The following POFUT1 variants were observed in gnomAD, a reference collection of about 807,000 sequenced individuals.
POFUT1 encodes the protein GDP-fucose protein O-fucosyltransferase 1.
In POFUT1, 16 loss-of-function variants were observed where a neutral mutation model predicts 42.4. The ratio of observed to expected loss-of-function variants is 0.38; its 90% CI spans 0.26 to 0.57. POFUT1 has a LOEUF of 0.57. Among genes scored for constraint, POFUT1 ranks in the 20% least tolerant of loss-of-function variants. POFUT1 has a pLI of 0.71. For synonymous variants in POFUT1, 206 were observed against 205.4 expected, an observed-to-expected ratio of 1.00 and a Z score of -0.03; for missense variants, 470 against 504.6, an observed-to-expected ratio of 0.93 and a Z score of 0.66.
At chr20:32,217,078 T>G in intron 4 of POFUT1, 1 of 1,613,174 alleles carries the variant, frequency 6.2e-7, no homozygotes, top group Middle Eastern at 1.7e-4. Context: ...AGAGAACAGC[T>G]TCAGGTGCAG....
intron 3 of POFUT1, 57 bp downstream of exon 3, chr20:32,215,508 A>G: frequency 7.0e-7 from 1 of 1,429,848 alleles, no homozygotes; most frequent in Non-Finnish European, 9.6e-7. Context: ...CTAGGCCCCC[A>G]AGACTATGTC....
rs1166957922 is a variant in POFUT1, at chr20:32,230,915, C to G, written c.832C>G (p.Leu278Val). 19 of 1,614,224 alleles carry G rather than the reference C, an allele frequency of 1.2e-5. No homozygotes were observed. Among genetic ancestry groups the G allele is most frequent in the Non-Finnish European group, 1.6e-5 (19 of 1,180,038 alleles). Reference sequence around the variant, plus strand: ...CTACAGCCGCAGCACAGCGGCCCCCCTCACGATGACTATGTGCCTGCCTGA... The same window carrying G: ...CTACAGCCGCAGCACAGCGGCCCCCGTCACGATGACTATGTGCCTGCCTGA... The part of the protein sequence containing the change: ...VGYSRSTAAP[L>V]TMTMCLPDLK... The change falls in exon 6 of 7, where the codon CTC (leucine) becomes GTC (valine). Residue 278 changes from leucine (L) to valine (V), a missense_variant. Coordinates refer to ENST00000375749, the MANE Select transcript of POFUT1 (RefSeq NM_015352.2).
rs79984831 is a variant in POFUT1, at chr20:32,230,834, A to G, written c.751A>G (p.Met251Val). 9.6e-4 allele frequency: 1,545 copies of G among 1,613,808 alleles called. 29 individuals carry two copies. In the East Asian group the frequency reaches 0.029, roughly 31 times the overall value. Residue 251 changes from methionine to valine, a missense_variant, in exon 6 of 7, where the codon ATG becomes GTG. Coordinates refer to ENST00000375749, the MANE Select transcript of POFUT1 (RefSeq NM_015352.2). ...CTCTCCGTAGAAGAACGCCTGTGCC[A>G]TGCTGAAGGACGGGACTGCAGGCTC... Reference protein sequence around the residue: ...IGSDWKNACAMLKDGTAGSHF... With the variant: ...IGSDWKNACAVLKDGTAGSHF...
In POFUT1 at chr20:32,222,815, C is replaced by T. The variant is rs1053483440; in HGVS notation, c.543-5448C>T. Reference sequence around the variant, plus strand: ...TGACTATTGGAAGGCAATGCACCATCGTGCCAAACCATTCTCAGGTATAAT... The same window carrying T: ...TGACTATTGGAAGGCAATGCACCATTGTGCCAAACCATTCTCAGGTATAAT... On this transcript the variant is annotated intron_variant, in intron 4 of 6. Transcript: ENST00000375749. The T allele has an allele frequency of 1.8e-5, 18 of 985,308 alleles. No homozygotes were observed. The South Asian group carries it at 3.3e-4, about 18-fold the overall frequency. 61.0% of individuals were successfully genotyped at this position (985,308 alleles called of 1,614,324 possible).
At chr20:32,215,859 A>C (rs532413419) in intron 3 of POFUT1, among the ~76,000 whole-genome samples, 2 of 152,238 alleles carry the variant, frequency 1.3e-5, no homozygotes, top group Non-Finnish European at 2.9e-5. Context: ...CATGAGGAAA[A>C]TACTTATAAT....
chr20:32,218,276 G>C (rs897399841), intron 4 of POFUT1, among the ~76,000 whole-genome samples: 25 of 152,174 alleles, frequency 1.6e-4, no homozygotes, highest in African/African-American at 5.3e-4. Flanking sequence ...AGCTGGGAGT[G>C]CAGGCATGTG....
intron 6 of POFUT1, among the ~76,000 whole-genome samples, chr20:32,232,349 A>G (rs1393749605): frequency 6.6e-6 from 1 of 152,144 alleles, no homozygotes; most frequent in African/African-American, 2.4e-5. Context: ...GAAGAAAAAT[A>G]TAATTAAGAG....
At chr20:32,230,504 G>A (rs1164615887) in intron 5 of POFUT1, among the ~76,000 whole-genome samples, 2 of 151,902 alleles carry the variant, frequency 1.3e-5, no homozygotes, top group Non-Finnish European at 2.9e-5. Flanking sequence ...AGACCAGCCT[G>A]GCCAACATGG....
chr20:32,222,456 T>C (rs1425767427), intron 4 of POFUT1, among the ~76,000 whole-genome samples: 2 of 152,190 alleles, frequency 1.3e-5, no homozygotes, highest in Non-Finnish European at 2.9e-5. Context: ...GTCCTCCCTT[T>C]TTAAGAAGCC....
At position 32,208,000 on chromosome 20, in the gene POFUT1, C is replaced by A; in HGVS notation, c.59C>A (p.Pro20Gln). Reference protein sequence around the residue: ...LSVSFLLLLLPLPGMPAGSWD... With the variant: ...LSVSFLLLLLQLPGMPAGSWD... ...GTGTCTTTCCTGCTGCTGCTTCTGCCGCTCCCGGGGATGCCTGCGGGCTCC... is the reference window on the plus strand; with the variant it reads ...GTGTCTTTCCTGCTGCTGCTTCTGCAGCTCCCGGGGATGCCTGCGGGCTCC... The change falls in exon 1 of 7, where the codon CCG (proline) becomes CAG (glutamine). Residue 20 changes from proline to glutamine, a missense_variant. Coordinates refer to ENST00000375749, the MANE Select transcript of POFUT1 (RefSeq NM_015352.2). The A allele has an allele frequency of 6.3e-7, 1 of 1,592,668 alleles. No individual in the cohort carries two copies. The highest frequency in any genetic ancestry group is 2.3e-5 in the East Asian group (1 of 44,062).
At chr20:32,230,367 A>G in intron 5 of POFUT1, among the ~76,000 whole-genome samples, 1 of 144,266 alleles carries the variant, frequency 6.9e-6, no homozygotes, top group Non-Finnish European at 1.5e-5. Flanking sequence ...AGCCTGGGCG[A>G]CAGAGCAAGA....
rs369818845 is a variant in POFUT1, at chr20:32,215,419, C to T, written c.397C>T (p.Arg133Ter). 1.9e-6 allele frequency: 3 copies of T among 1,613,496 alleles called. No individual in the cohort carries two copies. Among genetic ancestry groups the T allele is most frequent in the South Asian group, 1.1e-5 (1 of 91,054 alleles). The part of the protein sequence containing the change: ...VAYCFEVAAQ[R>*]SPDKKTCPMK... Reference sequence around the variant, plus strand: ...ATACTGCTTTGAGGTGGCAGCCCAGCGAAGCCCAGATAAGAAGACGTGCCC... The same window carrying T: ...ATACTGCTTTGAGGTGGCAGCCCAGTGAAGCCCAGATAAGAAGACGTGCCC... Residue 133 changes from arginine (R) to a stop codon, truncating the protein, a stop_gained, in exon 3 of 7, where the codon CGA (arginine) becomes TGA (stop). Coordinates refer to ENST00000375749, the MANE Select transcript of POFUT1 (RefSeq NM_015352.2). LOFTEE classifies it high-confidence loss of function.
At position 32,215,271 on chromosome 20, in the gene POFUT1, C is replaced by G; in HGVS notation, c.249C>G (p.Leu83=). 6.2e-7 allele frequency: 1 copy of G among 1,608,382 alleles called. No homozygotes were observed. The change falls in exon 3 of 7, where the codon CTC becomes CTG. Residue 83 remains leucine (L), a splice_region_variant and synonymous_variant. Transcript: ENST00000375749. ...YQHHKPPFTN[L]HVSYQKYFKL... Reference sequence around the variant, plus strand: ...CTCTGCTCCTCCTTTTCCTGTAGCTCCATGTGTCCTACCAGAAGTACTTCA... The same window carrying G: ...CTCTGCTCCTCCTTTTCCTGTAGCTGCATGTGTCCTACCAGAAGTACTTCA...
Position 32,230,992 on chromosome 20 carries a change from C to G in POFUT1, c.909C>G (p.Ala303=). Residue 303 remains alanine (A), a synonymous_variant, in exon 6 of 7, where the codon GCC becomes GCG. Transcript: ENST00000375749. ...AVKLWVRSLD[A]QSVYVATDSE... is the part of the protein sequence containing the mutation. ...AGCTCTGGGTGAGGTCGCTGGATGC[C>G]CAGTCGGTCTACGTTGCTACTGATT... 1.2e-6 allele frequency: 2 copies of G among 1,614,166 alleles called. No homozygotes were observed. Among genetic ancestry groups the G allele is most frequent in the Non-Finnish European group, 1.7e-6 (2 of 1,180,024 alleles).
At chr20:32,214,533 C>G (rs898483617) in intron 2 of POFUT1, among the ~76,000 whole-genome samples, 1 of 152,150 alleles carries the variant, frequency 6.6e-6, no homozygotes, top group Non-Finnish European at 1.5e-5. Context: ...CGCATTTCCC[C>G]ACAAGTTAAG....
At chr20:32,215,542 C>T in intron 3 of POFUT1, 91 bp downstream of exon 3, 1 of 1,091,322 alleles carries the variant, frequency 9.2e-7, no homozygotes, top group South Asian at 1.6e-5. Flanking sequence ...GGGAAAAGCA[C>T]CAGAAGGACT....
At chr20:32,211,279 A>G (rs1290151210) in intron 2 of POFUT1, among the ~76,000 whole-genome samples, 2 of 147,070 alleles carry the variant, frequency 1.4e-5, no homozygotes, top group Non-Finnish European at 3.0e-5. Context: ...CGCACTCACT[A>G]TTTTTTTTTT....
rs7274665 is a variant in POFUT1 at position 32,228,653 on chromosome 20, T to C, written c.735+198T>C. Among the ~76,000 whole-genome samples, 8,057 of 152,302 alleles carry C rather than the reference T, an allele frequency of 0.053. 776 individuals carry two copies. Among genetic ancestry groups the C allele is most frequent in the African/African-American group, 0.18 (7,646 of 41,540 alleles). ...AGTGCCTGCCAGCCAGGTCTCACTT[T>C]AGCAGCAGCTGTTTTTATCCTCATT... On this transcript the variant is annotated intron_variant, in intron 5 of 6. Transcript: ENST00000375749.
rs1600387142 is a variant in POFUT1 at position 32,216,885 on chromosome 20, T to A, written c.542+164T>A. On this transcript the variant is annotated intron_variant, in intron 4 of 6. Coordinates refer to ENST00000375749, the MANE Select transcript of POFUT1 (RefSeq NM_015352.2). ...TGGAATCCTGTGTGATCTGTTCCCA[T>A]GTCCACGCCTGACACGGTGGAACAT... is the stretch of plus-strand genomic sequence containing the variant. The A allele has an allele frequency of 2.0e-6, 3 of 1,521,158 alleles. No homozygotes were observed. The Admixed American group carries it at 5.8e-5, about 30-fold the overall frequency. The allele number at this position is 1,521,158 out of a possible 1,614,324, so 94.2% of individuals were successfully genotyped here.
Sources: allele counts gnomAD v4.1 joint callset (sites outside exome capture counted in the v4.1 genomes callset), GRCh38; gene constraint gnomAD v4.1.1; transcripts MANE v1.5; gene names NCBI Gene and HGNC (gene_info 2026-07-23, HGNC 2026-07-21).